Variants in HIVEP3 observed in about 807,000 individuals in gnomAD.
The protein encoded by HIVEP3 is HIVEP zinc finger 3, also known as transcription factor HIVEP3.
A neutral mutation model predicts 152.8 loss-of-function variants in HIVEP3; 49 were observed. The ratio of observed to expected loss-of-function variants is 0.32; its 90% confidence interval spans 0.26 to 0.41. The LOEUF is 0.41. Ranked by LOEUF, HIVEP3 falls within the 10% of genes least tolerant of loss-of-function variation. The probability of loss-of-function intolerance (pLI) is 1.00; values close to 1 mark genes in which losing one functional copy is unlikely to be tolerated. For missense variants in HIVEP3, 2,790 were observed against 3,103.3 expected (o/e 0.90, Z 2.40); for synonymous variants, 1,269 against 1,289.0 (o/e 0.98, Z 0.33).
At chr1:41,825,114 G>A (rs1230108113) in intron 1 of HIVEP3, among the ~76,000 whole-genome samples, 2 of 152,120 alleles carry the variant, frequency 1.3e-5, no homozygotes, top group Non-Finnish European at 2.9e-5. Flanking sequence ...GTCTGAGAAA[G>A]GAGTCAGCGA....
intron 3 of HIVEP3, among the ~76,000 whole-genome samples, chr1:41,599,750 ATCT>A (rs1190356524): frequency 6.6e-6 from 1 of 152,206 alleles, no homozygotes; most frequent in Non-Finnish European, 1.5e-5. Flanking sequence ...AAAATTTAAA[ATCT>A]TCTATGCGTG....
intron 2 of HIVEP3, among the ~76,000 whole-genome samples, chr1:41,696,845 T>C (rs1462257375): frequency 1.3e-5 from 2 of 152,242 alleles, no homozygotes; most frequent in African/African-American, 4.8e-5. Context: ...GGTGAATTTT[T>C]TTTCCTCTAC....
At chr1:41,994,879 C>G (rs770382389) in intron 1 of HIVEP3, among the ~76,000 whole-genome samples, 1 of 151,472 alleles carries the variant, frequency 6.6e-6, no homozygotes, top group Non-Finnish European at 1.5e-5. Flanking sequence ...AAAAATAACC[C>G]GAGAGGCTCC....
rs115515987 is a variant in HIVEP3, at chr1:41,515,548, C to G, written c.5471-1798G>C. Among the ~76,000 whole-genome samples, 708 of 152,314 alleles carry G rather than the reference C, an allele frequency of 4.6e-3. 1 individual carries two copies. The highest frequency in any genetic ancestry group is 0.016 in the African/African-American group (666 of 41,570). On this transcript the variant is annotated intron_variant, in intron 7 of 8. Transcript: ENST00000372583. The stretch of plus-strand genomic sequence containing the variant: ...AACACCTGTTCACCTGGCCCTGCCC[C>G]TCATTTACATACAGCAAAATCCAGG...
At chr1:41,969,036 A>C (rs567964621) in intron 1 of HIVEP3, among the ~76,000 whole-genome samples, 1 of 152,308 alleles carries the variant, frequency 6.6e-6, no homozygotes, top group African/African-American at 2.4e-5. Flanking sequence ...AGAACTACAA[A>C]CTACTGCTCA....
intron 2 of HIVEP3, among the ~76,000 whole-genome samples, chr1:41,677,514 G>A (rs1385346092): frequency 6.6e-6 from 1 of 152,226 alleles, no homozygotes; most frequent in Non-Finnish European, 1.5e-5. Flanking sequence ...AGGCCATCAG[G>A]AGAATGATGA....
At position 41,524,867 on chromosome 1, in the gene HIVEP3, G is replaced by T. The variant is rs571908869; in HGVS notation, c.5251C>A (p.Arg1751=). 2 of 1,613,978 alleles carry T rather than the reference G, an allele frequency of 1.2e-6. No individual in the cohort carries two copies. The highest frequency in any genetic ancestry group is 1.7e-6 in the Non-Finnish European group (2 of 1,180,002). The part of the protein sequence containing the change: ...EEYVYVRGRG[R]GKYVCEECGI... Reference sequence around the variant, plus strand: ...CACTCCTCACAAACATATTTCCCTCGGCCGCGGCCTCGCACATATACATAC... The same window carrying T: ...CACTCCTCACAAACATATTTCCCTCTGCCGCGGCCTCGCACATATACATAC... Residue 1751 remains arginine, a synonymous_variant, in exon 6 of 9, where the codon CGA becomes AGA. Coordinates refer to ENST00000372583, the MANE Select transcript of HIVEP3 (RefSeq NM_024503.5).
At chr1:41,821,849 C>T (rs1642612204) in intron 1 of HIVEP3, among the ~76,000 whole-genome samples, 1 of 152,168 alleles carries the variant, frequency 6.6e-6, no homozygotes, top group South Asian at 2.1e-4. Context: ...GTCTCACTTG[C>T]TTTAATTGTG....
At chr1:41,894,115 C>A (rs976699271) in intron 1 of HIVEP3, among the ~76,000 whole-genome samples, 6 of 151,882 alleles carry the variant, frequency 4.0e-5, no homozygotes, top group Admixed American at 3.9e-4. Flanking sequence ...CCACCATGCC[C>A]AGCCTATTTT....
chr1:41,625,256 T>C (rs1645101982), intron 3 of HIVEP3, among the ~76,000 whole-genome samples: 1 of 151,670 alleles, frequency 6.6e-6, no homozygotes, highest in Non-Finnish European at 1.5e-5. Context: ...TATTAGATAT[T>C]GCAGCTGATA....
intron 2 of HIVEP3, among the ~76,000 whole-genome samples, chr1:41,692,967 C>T (rs1052078665): frequency 6.6e-6 from 1 of 152,172 alleles, no homozygotes; most frequent in Non-Finnish European, 1.5e-5. Flanking sequence ...TAGTAGGGGC[C>T]CAACCCTCTG....
At position 41,584,866 on chromosome 1, in the gene HIVEP3, G is replaced by A; in HGVS notation, c.-69C>T. 1 of 1,371,276 alleles carries A rather than the reference G, an allele frequency of 7.3e-7. No individual in the cohort carries two copies. The highest frequency in any genetic ancestry group is 9.7e-7 in the Non-Finnish European group (1 of 1,035,570). The allele number at this position is 1,371,276 out of a possible 1,614,324, so 84.9% of individuals were successfully genotyped here. A position where few individuals can be genotyped will look rare whatever the true frequency, so the allele number is the denominator to read the frequency against. On this transcript the variant is annotated 5_prime_UTR_variant, in exon 4 of 9. Coordinates refer to ENST00000372583, the MANE Select transcript of HIVEP3 (RefSeq NM_024503.5). This position sits in a 1 kb window ranked among gnomAD's most constrained non-coding sequence, Gnocchi z 5.2. The stretch of plus-strand genomic sequence containing the variant: ...CGGGCTGCATTTATGAATAATCCCA[G>A]TGTCCCAAGGAGGTGTCCAGCTTTG...
At chr1:41,534,419 C>T (rs61143489) in intron 5 of HIVEP3, among the ~76,000 whole-genome samples, 2 of 152,106 alleles carry the variant, frequency 1.3e-5, no homozygotes, top group East Asian at 1.9e-4. Context: ...CCCAGCACCA[C>T]CCCCTCTCCT....
chr1:41,730,714 G>A (rs1024293023), intron 1 of HIVEP3, among the ~76,000 whole-genome samples: 6 of 152,278 alleles, frequency 3.9e-5, no homozygotes, highest in African/African-American at 1.4e-4. Context: ...GGCATTAGGA[G>A]GCCTCTAATG....
chr1:41,668,832 T>C (rs1245052343), intron 2 of HIVEP3, among the ~76,000 whole-genome samples: 3 of 152,224 alleles, frequency 2.0e-5, no homozygotes, highest in Non-Finnish European at 4.4e-5. Context: ...TTTCTCACAT[T>C]ATAGTAAAGT....
At chr1:41,961,758 G>A (rs1192582398) in intron 1 of HIVEP3, among the ~76,000 whole-genome samples, 1 of 152,242 alleles carries the variant, frequency 6.6e-6, no homozygotes. Flanking sequence ...CTGATTCCAA[G>A]AATAGGATAC....
At chr1:41,922,912 C>T (rs946309354), upstream of HIVEP3, among the ~76,000 whole-genome samples, 2 of 152,030 alleles carry the variant, frequency 1.3e-5, no homozygotes, top group African/African-American at 4.8e-5. Context: ...CATCTGTTTC[C>T]TCTTCTTCCC....
intron 5 of HIVEP3, among the ~76,000 whole-genome samples, chr1:41,540,923 G>A (rs566947394): frequency 1.4e-5 from 2 of 143,426 alleles, no homozygotes; most frequent in Admixed American, 1.5e-4. Flanking sequence ...AGCGGGTTTA[G>A]CTGGACTCTA....
chr1:41,552,972 C>T (rs968023197), intron 5 of HIVEP3, among the ~76,000 whole-genome samples: 3 of 152,188 alleles, frequency 2.0e-5, no homozygotes, highest in Non-Finnish European at 4.4e-5. Context: ...AATGTATATG[C>T]TGTTGATTTG....
Sources: gnomAD v4.1 joint callset for allele counts (sites outside exome capture counted in the v4.1 genomes callset) on GRCh38, gnomAD v4.1.1 for gene constraint, Gnocchi (gnomAD v3.1) non-coding constraint, MANE v1.5 for transcripts, NCBI Gene and HGNC (gene_info 2026-07-23, HGNC 2026-07-21) for gene names.